Variants in ATP2C1 observed in about 807,000 individuals in gnomAD.
ATP2C1 encodes calcium-transporting ATPase type 2C member 1.
A neutral mutation model predicts 120.5 loss-of-function variants in ATP2C1; 31 were observed. The ratio of observed to expected loss-of-function variants is 0.26; its 90% CI spans 0.19 to 0.35. The LOEUF is 0.35. Ranked by LOEUF, ATP2C1 falls within the 10% of genes least tolerant of loss-of-function variation. ATP2C1 has a pLI of 1.00. For synonymous variants in ATP2C1, 351 were observed against 358.7 expected (o/e 0.98, Z 0.24); for missense variants, 731 against 1,107.5 (o/e 0.66, Z 4.83).
intron 1 of ATP2C1, among the ~76,000 whole-genome samples, chr3:130,860,796 A>G (rs1011475410): frequency 6.6e-6 from 1 of 152,040 alleles, no homozygotes; most frequent in Non-Finnish European, 1.5e-5. Context: ...TTGACCTCAG[A>G]TTTTCTCTCA....
At chr3:130,941,531 T>A in intron 7 of ATP2C1, 60 bp from the exon 8 acceptor site, 1 of 1,413,130 alleles carries the variant, frequency 7.1e-7, no homozygotes, top group African/African-American at 1.4e-5. Context: ...AATAATTTTT[T>A]AAGACAAGTT....
intron 1 of ATP2C1, among the ~76,000 whole-genome samples, chr3:130,859,333 T>A (rs1559865176): frequency 6.6e-6 from 1 of 152,190 alleles, no homozygotes. Context: ...AAAAGTTACA[T>A]CTAGCAAAGA....
At chr3:130,965,258 C>T (rs1335967696) in intron 14 of ATP2C1, among the ~76,000 whole-genome samples, 1 of 152,036 alleles carries the variant, frequency 6.6e-6, no homozygotes, top group Non-Finnish European at 1.5e-5. Flanking sequence ...TGACATCTCT[C>T]TTTCAGTCAC....
At chr3:130,867,930 C>G in intron 1 of ATP2C1, 2 of 228,722 alleles carry the variant, frequency 8.7e-6, no homozygotes, top group Non-Finnish European at 1.8e-5. Context: ...GTGGGGAGCA[C>G]CTCTGCCCTG....
chr3:130,971,014 AATAC>A (rs1303600972), intron 17 of ATP2C1, among the ~76,000 whole-genome samples: 3 of 152,210 alleles, frequency 2.0e-5, no homozygotes, highest in East Asian at 3.8e-4. Context: ...AAACTATGAA[AATAC>A]AATACCTTTC....
intron 2 of ATP2C1, chr3:130,928,072 C>T (rs552492477): frequency 6.6e-6 from 1 of 152,560 alleles, no homozygotes; most frequent in Admixed American, 6.5e-5. Flanking sequence ...CGTTAAAATA[C>T]CTACATGCCT....
intron 11 of ATP2C1, among the ~76,000 whole-genome samples, chr3:130,956,895 G>C (rs1422062410): frequency 6.6e-6 from 1 of 151,996 alleles, no homozygotes; most frequent in African/African-American, 2.4e-5. Flanking sequence ...CTTTTCTTGT[G>C]TCTTGAGTCT....
intron 1 of ATP2C1, among the ~76,000 whole-genome samples, chr3:130,858,339 T>C (rs995027506): frequency 6.6e-6 from 1 of 152,210 alleles, no homozygotes; most frequent in African/African-American, 2.4e-5. Context: ...ACACTTCTTC[T>C]ATGTATGCAA....
At chr3:130,920,063 T>C (rs1246469173) in intron 2 of ATP2C1, among the ~76,000 whole-genome samples, 1 of 152,218 alleles carries the variant, frequency 6.6e-6, no homozygotes. Context: ...TGTTGAATTA[T>C]TGGAGTTCTT....
At chr3:131,006,253 A>G, downstream of ATP2C1, among the ~76,000 whole-genome samples, 1 of 152,028 alleles carries the variant, frequency 6.6e-6, no homozygotes, top group South Asian at 2.1e-4. Flanking sequence ...CTGGGATTAC[A>G]GGCCTGTGCC....
intron 19 of ATP2C1, among the ~76,000 whole-genome samples, chr3:130,980,173 A>C (rs1355656040): frequency 6.6e-6 from 1 of 152,158 alleles, no homozygotes; most frequent in Non-Finnish European, 1.5e-5. Flanking sequence ...GATCTTCGTT[A>C]CATTTCAGCT....
At chr3:131,003,232 T>G (rs1016017373), downstream of ATP2C1, 5 of 815,226 alleles carry the variant, frequency 6.1e-6, no homozygotes, top group African/African-American at 9.3e-5. Context: ...TCCATATGGA[T>G]GCTGGAGAAT....
chr3:130,990,667 C>T (rs925432630), intron 20 of ATP2C1, among the ~76,000 whole-genome samples: 5 of 152,154 alleles, frequency 3.3e-5, no homozygotes, highest in Non-Finnish European at 7.4e-5. Flanking sequence ...TACTGTGTTG[C>T]AAATTGACTG....
chr3:131,013,156 G>A (rs541856006), intron 26 of ATP2C1, among the ~76,000 whole-genome samples: 23 of 152,234 alleles, frequency 1.5e-4, no homozygotes, highest in Admixed American at 5.9e-4. Context: ...GGAACTGGCC[G>A]GCACTTTCAG....
At chr3:130,902,411 A>C (rs746704138) in intron 2 of ATP2C1, among the ~76,000 whole-genome samples, 3 of 140,936 alleles carry the variant, frequency 2.1e-5, no homozygotes, top group Non-Finnish European at 4.6e-5. Flanking sequence ...TATGATTTTG[A>C]TTATACTTTG....
At chr3:130,862,444 G>A (rs578162838) in intron 1 of ATP2C1, among the ~76,000 whole-genome samples, 360 of 152,062 alleles carry the variant, frequency 2.4e-3, no homozygotes, top group African/African-American at 8.4e-3. Context: ...GCCTCCCAAA[G>A]TGCTGAAATT....
At chr3:130,903,902 G>C (rs925950205) in intron 2 of ATP2C1, among the ~76,000 whole-genome samples, 7 of 151,930 alleles carry the variant, frequency 4.6e-5, no homozygotes, top group Non-Finnish European at 8.8e-5. Context: ...TTCAAACCTA[G>C]AATAATTTAT....
At position 130,855,981 on chromosome 3, in the gene ATP2C1, T is replaced by A. The variant is rs547331035; in HGVS notation, c.108+5053T>A. The A allele has an allele frequency of 1.1e-3, 153 of 136,830 alleles. 2 individuals carry two copies. Among genetic ancestry groups the A allele is most frequent in the African/African-American group, 4.6e-3 (145 of 31,216 alleles). 8.5% of individuals were successfully genotyped at this position (136,830 alleles called of 1,614,324 possible). A position where few individuals can be genotyped will look rare whatever the true frequency, so the allele number is the denominator to read the frequency against. ...ATGTCTCGCTCTCTTGAACAGAGAT[T>A]TTTTTTTTCCTGATTGAGAAATACC... is the stretch of plus-strand genomic sequence containing the variant. On this transcript the variant is annotated intron_variant, in intron 1 of 26. Transcript: ENST00000504381.
At chr3:130,994,155 C>T (rs2062486442) in intron 22 of ATP2C1, 57 bp downstream of exon 22, 2 of 1,591,790 alleles carry the variant, frequency 1.3e-6, no homozygotes, top group Non-Finnish European at 1.7e-6. Flanking sequence ...CTTTCCTGTC[C>T]CCCACCCCTA....
Sources: gnomAD v4.1 joint callset for allele counts (sites outside exome capture counted in the v4.1 genomes callset) on GRCh38, gnomAD v4.1.1 for gene constraint, MANE v1.5 for transcripts, NCBI Gene and HGNC (gene_info 2026-07-23, HGNC 2026-07-21) for gene names.